PKIB: variants seen among roughly 807,000 people sequenced by gnomAD.
The protein encoded by PKIB is PKI-beta.
Under a neutral mutation model 4.5 loss-of-function variants are expected in PKIB, and 2 were observed. The ratio of observed to expected loss-of-function variants is 0.44; its 90% CI spans 0.18 to 1.39. The LOEUF is 1.39. Among genes scored for constraint, PKIB ranks in the 40% most tolerant of loss-of-function variants. PKIB has a pLI of 0.27. For synonymous variants in PKIB, 38 were observed against 36.0 expected (o/e 1.06, Z -0.20); for missense variants, 94 against 92.6 (o/e 1.02, Z -0.06).
At chr6:122,638,143 A>C (rs890377915) in intron 2 of PKIB, among the ~76,000 whole-genome samples, 1 of 152,222 alleles carries the variant, frequency 6.6e-6, no homozygotes, top group African/African-American at 2.4e-5. Flanking sequence ...GATACAAGAA[A>C]GTTTATTTGC....
intron 2 of PKIB, among the ~76,000 whole-genome samples, chr6:122,672,938 ACT>A (rs1481302836): frequency 2.0e-5 from 3 of 152,012 alleles, no homozygotes; most frequent in East Asian, 1.9e-4. Flanking sequence ...ATGAGTAGAG[ACT>A]CTCACAGTCT....
At chr6:122,569,266 C>A (rs1443332794) in intron 2 of PKIB, among the ~76,000 whole-genome samples, 1 of 152,208 alleles carries the variant, frequency 6.6e-6, no homozygotes, top group Non-Finnish European at 1.5e-5. Context: ...CAGAATACTT[C>A]CCCTGGGTAA....
At chr6:122,560,306 T>A (rs1467685878) in intron 2 of PKIB, among the ~76,000 whole-genome samples, 1 of 152,046 alleles carries the variant, frequency 6.6e-6, no homozygotes, top group Non-Finnish European at 1.5e-5. Context: ...GATGATCATG[T>A]GATTTTTGTT....
At chr6:122,551,182 A>C (rs1336359833) in intron 2 of PKIB, among the ~76,000 whole-genome samples, 3 of 151,826 alleles carry the variant, frequency 2.0e-5, no homozygotes, top group Non-Finnish European at 4.4e-5. Context: ...AGTGCTGGGA[A>C]ATTTTCTTTA....
At chr6:122,503,518 T>C (rs1776308013) in intron 2 of PKIB, among the ~76,000 whole-genome samples, 1 of 152,226 alleles carries the variant, frequency 6.6e-6, no homozygotes, top group Non-Finnish European at 1.5e-5. Context: ...AATGAGCTCT[T>C]CAGGATTATC....
At chr6:122,570,115 G>A (rs1313717712) in intron 2 of PKIB, among the ~76,000 whole-genome samples, 1 of 152,168 alleles carries the variant, frequency 6.6e-6, no homozygotes, top group Non-Finnish European at 1.5e-5. Flanking sequence ...TTTCATGAGA[G>A]GCAGAGTCAC....
chr6:122,706,887 C>G (rs892716651), intron 3 of PKIB, among the ~76,000 whole-genome samples: 6 of 151,928 alleles, frequency 3.9e-5, no homozygotes, highest in African/African-American at 1.4e-4. Flanking sequence ...GTATATTTCC[C>G]TTAAAATGTT....
At chr6:122,697,855 A>G (rs747588192) in intron 3 of PKIB, among the ~76,000 whole-genome samples, 2 of 152,132 alleles carry the variant, frequency 1.3e-5, no homozygotes, top group Non-Finnish European at 1.5e-5. Flanking sequence ...GAGATAAGGA[A>G]TATCCTGTTG....
chr6:122,670,867 G>T (rs552689910), intron 2 of PKIB, among the ~76,000 whole-genome samples: 10 of 152,298 alleles, frequency 6.6e-5, no homozygotes, highest in African/African-American at 2.4e-4. Flanking sequence ...TTAAAACTAG[G>T]TCTTACAGTT....
At chr6:122,505,393 A>G (rs1250691461) in intron 2 of PKIB, among the ~76,000 whole-genome samples, 1 of 152,158 alleles carries the variant, frequency 6.6e-6, no homozygotes, top group African/African-American at 2.4e-5. Flanking sequence ...CCTTTTCCCA[A>G]CATGTCCCCC....
At chr6:122,576,711 T>TATA (rs1554221348) in intron 2 of PKIB, among the ~76,000 whole-genome samples, 3 of 75,654 alleles carry the variant, frequency 4.0e-5, no homozygotes, top group African/African-American at 1.1e-4. Flanking sequence ...TATATATATA[T>TATA]TTTCTTTTGT....
chr6:122,472,335 T>C (rs1317155145), intron 1 of PKIB, among the ~76,000 whole-genome samples: 1 of 152,272 alleles, frequency 6.6e-6, no homozygotes, highest in African/African-American at 2.4e-5. Flanking sequence ...AGTTTCTCTG[T>C]ATCATTTCTG....
chr6:122,525,039 G>T, intron 2 of PKIB, among the ~76,000 whole-genome samples: 2 of 149,652 alleles, frequency 1.3e-5, no homozygotes, highest in Admixed American at 6.7e-5. Flanking sequence ...AGTTTCCTTA[G>T]GTGCAGTGTT....
At chr6:122,709,911 AC>A (rs1779204894) in intron 3 of PKIB, among the ~76,000 whole-genome samples, 1 of 152,088 alleles carries the variant, frequency 6.6e-6, no homozygotes, top group Non-Finnish European at 1.5e-5. Flanking sequence ...ACATCTAAAA[AC>A]CATTGTATTT....
intron 2 of PKIB, among the ~76,000 whole-genome samples, chr6:122,522,902 A>T (rs1160579424): frequency 1.3e-5 from 2 of 152,218 alleles, no homozygotes; most frequent in African/African-American, 2.4e-5. Flanking sequence ...GAATCATGTC[A>T]TCTGAGGACA....
chr6:122,553,742 A>C (rs1042606934), intron 2 of PKIB, among the ~76,000 whole-genome samples: 4 of 152,064 alleles, frequency 2.6e-5, no homozygotes, highest in African/African-American at 9.7e-5. Flanking sequence ...AGTTTCCTCC[A>C]TAGAGAATTG....
chr6:122,513,848 T>C (rs1287841570), intron 2 of PKIB, among the ~76,000 whole-genome samples: 2 of 152,214 alleles, frequency 1.3e-5, no homozygotes, highest in Admixed American at 6.5e-5. Flanking sequence ...GCATAGTGTA[T>C]ATGCACCACA....
chr6:122,662,213 C>G (rs533284341), intron 2 of PKIB, among the ~76,000 whole-genome samples: 124 of 141,694 alleles, frequency 8.8e-4, no homozygotes, highest in African/African-American at 3.1e-3. Context: ...TTCAATTTAT[C>G]AATTTTTTTT....
At chr6:122,696,042 A>T (rs1778557091) in intron 3 of PKIB, among the ~76,000 whole-genome samples, 1 of 152,162 alleles carries the variant, frequency 6.6e-6, no homozygotes, top group Non-Finnish European at 1.5e-5. Context: ...TTACTCCTTT[A>T]TACTTGCTTT....
Sources: allele counts gnomAD v4.1 joint callset (sites outside exome capture counted in the v4.1 genomes callset), GRCh38; gene constraint gnomAD v4.1.1; transcripts MANE v1.5; gene names NCBI Gene and HGNC (gene_info 2026-07-23, HGNC 2026-07-21).